Variants in LHCGR observed in about 807,000 individuals in gnomAD.
LHCGR encodes lutropin-choriogonadotropic hormone receptor.
LHCGR carries 55 observed loss-of-function variants against 60.7 expected under a neutral mutation model. The ratio of observed to expected loss-of-function variants is 0.91; its 90% confidence interval spans 0.73 to 1.13. The LOEUF (loss-of-function observed/expected upper bound fraction) is 1.13, where lower values mean the gene tolerates loss of function less well. LHCGR is among the 50% of genes most tolerant of loss of function. The pLI is 0.00. For missense variants in LHCGR, 862 were observed against 836.0 expected (o/e 1.03, Z -0.38); for synonymous variants, 337 against 316.5 (o/e 1.06, Z -0.69).
rs78206620 is a variant in LHCGR at position 48,732,973 on chromosome 2, A to C, written c.162-1675T>G. On this transcript the variant is annotated intron_variant, in intron 1 of 10. Coordinates refer to ENST00000294954, the MANE Select transcript of LHCGR (RefSeq NM_000233.4). ...GAAGAACAGGGACAGTGTGGGAAGA[A>C]ATCTTCTTGTGATGGCATATTTGCT... 71 of 532,682 alleles carry C rather than the reference A, an allele frequency of 1.3e-4. 1 individual carries two copies. In the East Asian group the frequency reaches 3.6e-3, roughly 27 times the overall value. The allele number at this position is 532,682 out of a possible 1,614,324, so 33.0% of individuals were successfully genotyped here.
intron 1 of LHCGR, among the ~76,000 whole-genome samples, chr2:48,739,814 A>T (rs114697271): frequency 0.023 from 3,451 of 151,710 alleles, 102 homozygotes; most frequent in African/African-American, 0.063. Context: ...AAGTATAATT[A>T]AAAAAAAAGG....
chr2:48,722,226 G>T (rs1290574340), intron 6 of LHCGR, among the ~76,000 whole-genome samples: 2 of 152,202 alleles, frequency 1.3e-5, no homozygotes, highest in Non-Finnish European at 2.9e-5. Flanking sequence ...AAGATGTATG[G>T]CAGGGATTCC....
At position 48,723,650 on chromosome 2, in the gene LHCGR, C is replaced by G. The variant is rs121912539; in HGVS notation, c.430G>C (p.Val144Leu). 9 of 1,613,766 alleles carry G rather than the reference C, an allele frequency of 5.6e-6. No homozygotes were observed. Among genetic ancestry groups the G allele is most frequent in the Non-Finnish European group, 7.6e-6 (9 of 1,179,836 alleles). Residue 144 changes from valine to leucine, a missense_variant, in exon 5 of 11, where the codon GTC becomes CTC. Val to Leu is a conservative substitution (Grantham distance 32). Transcript: ENST00000294954. Reference protein sequence around the residue: ...GIRKFPDVTKVFSSESNFILE... With the variant: ...GIRKFPDVTKLFSSESNFILE... ...ATGAAATTTGATTCAGAGGAGAAGA[C>G]CTTCGTAACATCTGGAAACTTTCTG...
chr2:48,689,049 C>T (rs1206297165), intron 10 of LHCGR, among the ~76,000 whole-genome samples, 200 bp from the exon 11 acceptor site: 1 of 151,862 alleles, frequency 6.6e-6, no homozygotes, highest in South Asian at 2.1e-4. Context: ...GCCATTTAGA[C>T]TATATATACA....
chr2:48,695,038 T>C lies in LHCGR; in HGVS notation c.867-734A>G, dbSNP rs147940737. 7.3e-3 allele frequency among the ~76,000 whole-genome samples: 1,107 copies of C among 152,300 alleles called. 24 individuals carry two copies. Among genetic ancestry groups the C allele is most frequent in the African/African-American group, 0.024 (1,001 of 41,580 alleles). ...TGATTTGCATTTCTCTGATGATTAG[T>C]GATGATGAGCATTTTTTCTTTAGAA... On this transcript the variant is annotated intron_variant, in intron 9 of 10. Transcript: ENST00000294954.
intron 6 of LHCGR, among the ~76,000 whole-genome samples, chr2:48,717,071 T>C (rs1025015211): frequency 6.6e-6 from 1 of 152,176 alleles, no homozygotes. Flanking sequence ...AGATGGTCAT[T>C]GGCTTGGAAT....
chr2:48,690,349 G>C (rs1320652762), intron 10 of LHCGR, among the ~76,000 whole-genome samples: 1 of 152,194 alleles, frequency 6.6e-6, no homozygotes, highest in Non-Finnish European at 1.5e-5. Context: ...GGCTCGTACA[G>C]GCTGTGTAAT....
At chr2:48,711,593 C>G (rs1040672027) in intron 7 of LHCGR, among the ~76,000 whole-genome samples, 3 of 152,174 alleles carry the variant, frequency 2.0e-5, no homozygotes, top group Admixed American at 6.5e-5. Flanking sequence ...ATGCTGCTGA[C>G]CATCTGAAAT....
chr2:48,691,401 C>A (rs946968283), intron 10 of LHCGR, among the ~76,000 whole-genome samples: 33 of 152,118 alleles, frequency 2.2e-4, no homozygotes, highest in African/African-American at 8.0e-4. Flanking sequence ...AGGAACCTCT[C>A]GTGTTTTATT....
At chr2:48,705,037 A>G (rs571819590) in intron 8 of LHCGR, among the ~76,000 whole-genome samples, 1 of 152,240 alleles carries the variant, frequency 6.6e-6, no homozygotes, top group Admixed American at 6.5e-5. Context: ...AGTGCTATAA[A>G]TTTCCCTCTA....
intron 1 of LHCGR, among the ~76,000 whole-genome samples, chr2:48,747,592 C>G (rs544132068): frequency 6.6e-6 from 1 of 152,276 alleles, no homozygotes; most frequent in East Asian, 1.9e-4. Context: ...TTGGGTCAGT[C>G]AGATTCTCTT....
chr2:48,733,090 A>G (rs1669078456), intron 1 of LHCGR: 1 of 412,782 alleles, frequency 2.4e-6, no homozygotes, highest in East Asian at 6.5e-5. Context: ...ATAAATTTAC[A>G]GAAGAGAAAG....
chr2:48,706,461 T>C (rs1667678893), intron 8 of LHCGR, among the ~76,000 whole-genome samples: 1 of 152,228 alleles, frequency 6.6e-6, no homozygotes, highest in Non-Finnish European at 1.5e-5. Flanking sequence ...GTTGGGGAAG[T>C]TCTGGATAAT....
rs1282657547 is a variant in LHCGR at position 48,723,733 on chromosome 2, G to C, written c.384-37C>G. 2.1e-6 allele frequency: 3 copies of C among 1,411,670 alleles called. No homozygotes were observed. In the Admixed American group the frequency reaches 5.0e-5, roughly 24 times the overall value. The allele number at this position is 1,411,670 out of a possible 1,614,324, so 87.4% of individuals were successfully genotyped here. A position where few individuals can be genotyped will look rare whatever the true frequency, so the allele number is the denominator to read the frequency against. Reference sequence around the variant, plus strand: ...GACAGGATAGTGGTGTGGGCAGAGAGTGGGTAAAAGTGATTGTCATTAAGA... The same window carrying C: ...GACAGGATAGTGGTGTGGGCAGAGACTGGGTAAAAGTGATTGTCATTAAGA... On this transcript the variant is annotated intron_variant, in intron 4 of 10. Coordinates refer to ENST00000294954, the MANE Select transcript of LHCGR (RefSeq NM_000233.4).
chr2:48,738,252 G>C (rs1332792438), intron 1 of LHCGR, among the ~76,000 whole-genome samples: 1 of 151,694 alleles, frequency 6.6e-6, no homozygotes, highest in African/African-American at 2.4e-5. Context: ...AGTATTATTT[G>C]AGAATTTACC....
At chr2:48,726,453 A>G (rs975522037) in intron 3 of LHCGR, among the ~76,000 whole-genome samples, 7 of 152,196 alleles carry the variant, frequency 4.6e-5, no homozygotes, top group Admixed American at 1.3e-4. Flanking sequence ...GGCAAAGTAT[A>G]AAAGTACAGC....
chr2:48,705,579 T>G (rs1667622922), intron 8 of LHCGR, among the ~76,000 whole-genome samples: 2 of 152,228 alleles, frequency 1.3e-5, no homozygotes, highest in African/African-American at 4.8e-5. Context: ...TGCTCCTGTG[T>G]TGGGTGCATA....
chr2:48,729,934 A>C (rs1572873336), intron 2 of LHCGR, among the ~76,000 whole-genome samples: 1 of 152,364 alleles, frequency 6.6e-6, no homozygotes, highest in East Asian at 1.9e-4. Flanking sequence ...GCAGTAGTGA[A>C]TAATTGAATT....
chr2:48,699,067 G>A (rs762780049), intron 8 of LHCGR, among the ~76,000 whole-genome samples: 8 of 151,920 alleles, frequency 5.3e-5, no homozygotes, highest in South Asian at 4.2e-4. Context: ...CTCGTGATCC[G>A]CCCACCTCGG....
Sources: allele counts gnomAD v4.1 joint callset (sites outside exome capture counted in the v4.1 genomes callset), GRCh38; gene constraint gnomAD v4.1.1; transcripts MANE v1.5; gene names NCBI Gene and HGNC (gene_info 2026-07-23, HGNC 2026-07-21).